The following ASNS variants were observed in gnomAD, a reference collection of about 807,000 sequenced individuals.
ASNS encodes the protein asparagine synthetase [glutamine-hydrolyzing].
ASNS carries 37 observed loss-of-function variants against 62.6 expected under a neutral mutation model. The observed-to-expected ratio is 0.59, with a 90% CI of 0.45 to 0.78. The LOEUF (loss-of-function observed/expected upper bound fraction) is 0.78. Ranked by LOEUF, ASNS falls within the 30% of genes least tolerant of loss-of-function variation. The pLI is 0.00. For synonymous variants in ASNS, 207 were observed against 237.9 expected, an observed-to-expected ratio of 0.87 and a Z score of 1.19; for missense variants, 520 against 682.4, an observed-to-expected ratio of 0.76 and a Z score of 2.65.
At chr7:97,865,742 A>G (rs867225581) in intron 3 of ASNS, among the ~76,000 whole-genome samples, 5 of 152,226 alleles carry the variant, frequency 3.3e-5, no homozygotes, top group African/African-American at 1.2e-4. Context: ...GCAGAAAATA[A>G]GCAAAAATAC....
At chr7:97,894,491 A>G in the ASNS span, among the ~76,000 whole-genome samples, 4 of 145,536 alleles carry the variant, frequency 2.7e-5, no homozygotes, top group East Asian at 7.8e-4. Flanking sequence ...AAAAAAAAAA[A>G]AAAAAAAAAA....
At chr7:97,911,415 G>A in the ASNS span, among the ~76,000 whole-genome samples, 1 of 151,534 alleles carries the variant, frequency 6.6e-6, no homozygotes, top group Admixed American at 6.6e-5. Flanking sequence ...GAGGTGGATG[G>A]AGGACTGCTT....
the ASNS span, among the ~76,000 whole-genome samples, chr7:97,901,011 A>G: frequency 6.6e-6 from 1 of 152,228 alleles, no homozygotes; most frequent in Non-Finnish European, 1.5e-5. Flanking sequence ...TATATGGCAA[A>G]TTTTGCAGAA....
chr7:97,857,616 TAAAAAAAAA>T (rs566620938), intron 7 of ASNS, among the ~76,000 whole-genome samples: 2 of 116,150 alleles, frequency 1.7e-5, no homozygotes, highest in Non-Finnish European at 3.5e-5. Context: ...CCTTTACGTT[TAAAAAAAAA>T]AAAAAAAAAA....
At chr7:97,898,827 T>C in the ASNS span, 1 of 763,064 alleles carries the variant, frequency 1.3e-6, no homozygotes, top group Non-Finnish European at 2.4e-6. Flanking sequence ...CCATAGAAGT[T>C]AGTCAGGCAG....
chr7:97,896,790 A>G, the ASNS span, among the ~76,000 whole-genome samples: 2 of 117,422 alleles, frequency 1.7e-5, no homozygotes. Flanking sequence ...TATAGTAACC[A>G]AAACAGCGTG....
the ASNS span, among the ~76,000 whole-genome samples, chr7:97,904,192 C>T: frequency 0.063 from 9,563 of 151,498 alleles, 494 homozygotes; most frequent in East Asian, 0.23. Context: ...ATTTTATAAA[C>T]GAGTAAAAAT....
the ASNS span, among the ~76,000 whole-genome samples, chr7:97,916,134 GC>G: frequency 1.3e-5 from 2 of 152,150 alleles, no homozygotes; most frequent in Non-Finnish European, 2.9e-5. Context: ...TGTAATCCCA[GC>G]ACTTTGGGAG....
upstream of ASNS, among the ~76,000 whole-genome samples, chr7:97,874,605 A>G (rs1236170416): frequency 6.6e-6 from 1 of 152,274 alleles, no homozygotes; most frequent in Admixed American, 6.5e-5. Flanking sequence ...ATAAATGTCC[A>G]TAAAATCTTC....
chr7:97,886,098 T>C, the ASNS span: 5 of 435,972 alleles, frequency 1.1e-5, no homozygotes, highest in Non-Finnish European at 2.2e-5. Flanking sequence ...GAGGCCTCAT[T>C]GCATCAGTGT....
chr7:97,877,038 T>C (rs1272601230), upstream of ASNS, among the ~76,000 whole-genome samples: 2 of 152,158 alleles, frequency 1.3e-5, no homozygotes, highest in Non-Finnish European at 2.9e-5. Context: ...TAAAGATGAT[T>C]AAGTAAGAGG....
the ASNS span, among the ~76,000 whole-genome samples, chr7:97,892,354 T>A: frequency 6.6e-6 from 1 of 152,226 alleles, no homozygotes; most frequent in African/African-American, 2.4e-5. Context: ...TGAAGACCTG[T>A]GACATGCCCT....
At chr7:97,900,780 AGACT>A in the ASNS span, among the ~76,000 whole-genome samples, 1 of 152,112 alleles carries the variant, frequency 6.6e-6, no homozygotes, top group African/African-American at 2.4e-5. Context: ...AGCCACGGTA[AGACT>A]GACTGCTAAA....
At chr7:97,904,620 C>G in the ASNS span, among the ~76,000 whole-genome samples, 1 of 152,152 alleles carries the variant, frequency 6.6e-6, no homozygotes, top group South Asian at 2.1e-4. Flanking sequence ...CTGCCCCCAG[C>G]CTCTTGGCCA....
the ASNS span, among the ~76,000 whole-genome samples, chr7:97,920,878 T>A: frequency 0.08 from 11,996 of 149,608 alleles, 962 homozygotes; most frequent in African/African-American, 0.21. Context: ...CCATTCTTTT[T>A]TCTCCCTTCC....
chr7:97,858,848 C>T lies in ASNS; in HGVS notation c.775+6G>A, dbSNP rs1791581964. On this transcript the variant is annotated splice_donor_region_variant and intron_variant, in intron 6 of 12. Coordinates refer to ENST00000394308, the MANE Select transcript of ASNS (RefSeq NM_001673.5). ...AATATAATTAGGTTTTTTTAATTGA[C>T]TTCACCTGATAAAAGGCAGCCAATC... The T allele has an allele frequency of 6.2e-7, 1 of 1,606,518 alleles. No individual in the cohort carries two copies. The highest frequency in any genetic ancestry group is 8.5e-7 in the Non-Finnish European group (1 of 1,177,588).
At chr7:97,904,861 T>C in the ASNS span, among the ~76,000 whole-genome samples, 1 of 152,238 alleles carries the variant, frequency 6.6e-6, no homozygotes, top group Non-Finnish European at 1.5e-5. Flanking sequence ...TCTCTGTTTT[T>C]CCATTTTATC....
At chr7:97,859,626 C>T (rs972600819) in intron 4 of ASNS, among the ~76,000 whole-genome samples, 10 of 152,262 alleles carry the variant, frequency 6.6e-5, no homozygotes, top group African/African-American at 2.2e-4. Context: ...ACTAACTTTT[C>T]GTAATTCAAA....
At chr7:97,857,900 G>C (rs947542296) in intron 7 of ASNS, among the ~76,000 whole-genome samples, 1 of 152,000 alleles carries the variant, frequency 6.6e-6, no homozygotes, top group African/African-American at 2.4e-5. Flanking sequence ...TTTTTGTAGA[G>C]ATGGAGTTTC....
Sources: gnomAD v4.1 joint callset for allele counts (sites outside exome capture counted in the v4.1 genomes callset) on GRCh38, gnomAD v4.1.1 for gene constraint, MANE v1.5 for transcripts, NCBI Gene and HGNC (gene_info 2026-07-23, HGNC 2026-07-21) for gene names.